The following LSAMP variants were observed in gnomAD, a reference collection of about 807,000 sequenced individuals.
The protein encoded by LSAMP is limbic system-associated membrane protein.
Under a neutral mutation model 38.6 loss-of-function variants are expected in LSAMP, and 7 were observed. The observed-to-expected ratio is 0.18, with a 90% CI of 0.10 to 0.34. The LOEUF (loss-of-function observed/expected upper bound fraction) is 0.34, where lower values mean the gene tolerates loss of function less well. Ranked by LOEUF, LSAMP falls within the 10% of genes least tolerant of loss-of-function variation. The pLI is 1.00. For synonymous variants in LSAMP, 154 were observed against 166.8 expected (o/e 0.92, Z 0.59); for missense variants, 313 against 420.0 (o/e 0.75, Z 2.23).
intron 1 of LSAMP, among the ~76,000 whole-genome samples, chr3:116,089,779 T>C (rs182861074): frequency 3.4e-4 from 51 of 151,908 alleles, no homozygotes; most frequent in African/African-American, 1.1e-3. Context: ...AAAATAAATA[T>C]ATCTCAATGG....
At chr3:116,133,318 TCTCA>T (rs746517675) in intron 1 of LSAMP, among the ~76,000 whole-genome samples, 3 of 151,940 alleles carry the variant, frequency 2.0e-5, no homozygotes, top group Non-Finnish European at 2.9e-5. Context: ...GGAGATAGGA[TCTCA>T]CTCTGTCACC....
intron 1 of LSAMP, among the ~76,000 whole-genome samples, chr3:116,424,617 A>G (rs1200297372): frequency 2.0e-5 from 3 of 152,238 alleles, no homozygotes; most frequent in Non-Finnish European, 2.9e-5. Flanking sequence ...GGTCTTACAT[A>G]GAGACTTAGT....
rs1156426821 is a variant in LSAMP, at chr3:115,807,543, A to T, written c.*2774T>A. ...TCATGATAAAGTGGAGACAATAAGA[A>T]AGCCAGGTATATAATTAAGGCCTGT... On this transcript the variant is annotated 3_prime_UTR_variant, in exon 7 of 7. Coordinates refer to ENST00000490035, the MANE Select transcript of LSAMP (RefSeq NM_002338.5). 2 of 152,218 alleles carry T rather than the reference A, an allele frequency of 1.3e-5. No individual in the cohort carries two copies. Among genetic ancestry groups the T allele is most frequent in the Admixed American group, 6.5e-5 (1 of 15,274 alleles). 9.4% of individuals were successfully genotyped at this position (152,218 alleles called of 1,614,324 possible). A position where few individuals can be genotyped will look rare whatever the true frequency, so the allele number is the denominator to read the frequency against.
intron 1 of LSAMP, among the ~76,000 whole-genome samples, chr3:116,331,608 T>C (rs972415364): frequency 1.3e-5 from 2 of 152,102 alleles, no homozygotes; most frequent in African/African-American, 4.8e-5. Flanking sequence ...CATGTCCAAA[T>C]AAATGAAATC....
chr3:116,390,643 T>G (rs771756449), intron 1 of LSAMP, among the ~76,000 whole-genome samples: 1 of 149,244 alleles, frequency 6.7e-6, no homozygotes, highest in African/African-American at 2.5e-5. Flanking sequence ...GGCATGAAAA[T>G]TGCTTGAACC....
chr3:115,839,871 G>T (rs1490257754), intron 6 of LSAMP, among the ~76,000 whole-genome samples: 1 of 152,224 alleles, frequency 6.6e-6, no homozygotes, highest in Non-Finnish European at 1.5e-5. Context: ...CTGATTCTCA[G>T]TATACAAACA....
chr3:116,321,269 A>G (rs2047702112), intron 1 of LSAMP, among the ~76,000 whole-genome samples: 1 of 152,100 alleles, frequency 6.6e-6, no homozygotes, highest in Admixed American at 6.6e-5. Flanking sequence ...GCTACTTGGG[A>G]GGCTAATGTG....
chr3:116,023,104 C>A (rs1473977303), intron 2 of LSAMP, among the ~76,000 whole-genome samples: 2 of 151,660 alleles, frequency 1.3e-5, no homozygotes, highest in African/African-American at 4.9e-5. Context: ...TATGGAGGAT[C>A]AATTTTATAT....
chr3:115,926,685 C>T (rs1937506745), intron 3 of LSAMP, among the ~76,000 whole-genome samples: 1 of 152,156 alleles, frequency 6.6e-6, no homozygotes, highest in African/African-American at 2.4e-5. Flanking sequence ...CACAGTCCTA[C>T]TGTGAAATAC....
chr3:116,131,097 TCTC>T (rs1709121873), intron 1 of LSAMP, among the ~76,000 whole-genome samples: 1 of 151,392 alleles, frequency 6.6e-6, no homozygotes, highest in African/African-American at 2.4e-5. Context: ...TTCACGCCAT[TCTC>T]CTGCCTCAGC....
At chr3:116,067,607 C>G (rs1380051181) in intron 2 of LSAMP, among the ~76,000 whole-genome samples, 1 of 152,226 alleles carries the variant, frequency 6.6e-6, no homozygotes, top group African/African-American at 2.4e-5. Flanking sequence ...GCTGCCCCAT[C>G]AATCATGGGC....
intron 1 of LSAMP, among the ~76,000 whole-genome samples, chr3:116,135,946 A>T (rs1266082149): frequency 6.6e-6 from 1 of 152,136 alleles, no homozygotes; most frequent in East Asian, 1.9e-4. Context: ...TAGCCTTAAA[A>T]ATGTCCTAGA....
At chr3:116,401,230 C>T (rs564543943) in intron 1 of LSAMP, among the ~76,000 whole-genome samples, 8 of 152,290 alleles carry the variant, frequency 5.3e-5, no homozygotes, top group Non-Finnish European at 1.0e-4. Flanking sequence ...GTTGCCCAGG[C>T]TGTATTCAAC....
chr3:116,051,192 C>T, intron 2 of LSAMP: 1 of 152,304 alleles, frequency 6.6e-6, no homozygotes, highest in Non-Finnish European at 1.5e-5. Flanking sequence ...TCAAGGCCGG[C>T]CCAGGAGCAG....
chr3:116,152,633 A>T (rs1709638198), intron 1 of LSAMP, among the ~76,000 whole-genome samples: 1 of 152,104 alleles, frequency 6.6e-6, no homozygotes, highest in African/African-American at 2.4e-5. Flanking sequence ...CCAGGCTCAT[A>T]GATACATGGG....
In LSAMP at chr3:116,182,927, C is replaced by A. The variant is rs182858100; in HGVS notation, c.156-96371G>T. ...CTATTGTAGATTTGCTGAGAGATAT[C>A]TGTAAACAAAGAACATGGGGTGGAG... On this transcript the variant is annotated intron_variant, in intron 1 of 6. Transcript: ENST00000490035. 2.0e-5 allele frequency among the ~76,000 whole-genome samples: 3 copies of A among 151,940 alleles called. No homozygotes were observed. The East Asian group carries it at 5.8e-4, about 29-fold the overall frequency.
chr3:116,128,692 C>A (rs1709061108), intron 1 of LSAMP, among the ~76,000 whole-genome samples: 1 of 152,152 alleles, frequency 6.6e-6, no homozygotes, highest in Admixed American at 6.6e-5. Context: ...TACTTGAAAT[C>A]TGTTTCATCA....
chr3:116,197,089 G>C (rs1462907143), intron 1 of LSAMP, among the ~76,000 whole-genome samples: 1 of 150,802 alleles, frequency 6.6e-6, no homozygotes, highest in African/African-American at 2.4e-5. Context: ...TGATAAAATG[G>C]GGGTCCCCTG....
At chr3:116,142,124 G>C (rs1229428743) in intron 1 of LSAMP, among the ~76,000 whole-genome samples, 2 of 151,978 alleles carry the variant, frequency 1.3e-5, no homozygotes, top group East Asian at 3.9e-4. Context: ...AACACTTATA[G>C]CATGGACACT....
Sources: gnomAD v4.1 joint callset for allele counts (sites outside exome capture counted in the v4.1 genomes callset) on GRCh38, gnomAD v4.1.1 for gene constraint, MANE v1.5 for transcripts, NCBI Gene and HGNC (gene_info 2026-07-23, HGNC 2026-07-21) for gene names.